Variants in KCNQ1 observed in about 807,000 individuals in gnomAD.
KCNQ1 encodes the protein potassium voltage-gated channel subfamily KQT member 1.
In KCNQ1, 49 loss-of-function variants were observed where a neutral mutation model predicts 72.4. The observed-to-expected ratio is 0.68, with a 90% CI of 0.54 to 0.86. The LOEUF (loss-of-function observed/expected upper bound fraction) is 0.86. Ranked by LOEUF, KCNQ1 falls within the 40% of genes least tolerant of loss-of-function variation. The pLI is 0.00. For synonymous variants in KCNQ1, 450 were observed against 412.6 expected, an observed-to-expected ratio of 1.09 and a Z score of -1.10; for missense variants, 790 against 945.1, an observed-to-expected ratio of 0.84 and a Z score of 2.15.
chr11:2,693,620 G>A (rs1850625121), intron 11 of KCNQ1: 6 of 398,606 alleles, frequency 1.5e-5, no homozygotes, highest in Middle Eastern at 6.3e-4. Flanking sequence ...CAAGAGCTTC[G>A]CCCAGCCGTA....
At chr11:2,844,609 G>A (rs1416518981) in intron 15 of KCNQ1, among the ~76,000 whole-genome samples, 2 of 152,176 alleles carry the variant, frequency 1.3e-5, no homozygotes, top group East Asian at 3.9e-4. Flanking sequence ...CTGCCGGGAG[G>A]AGCTGTCACC....
At chr11:2,634,857 T>C (rs903408702) in intron 10 of KCNQ1, 1 of 152,240 alleles carries the variant, frequency 6.6e-6, no homozygotes, top group Non-Finnish European at 1.5e-5. Context: ...TCCTGAATTT[T>C]TAATGATTGC....
chr11:2,649,118 G>T, intron 10 of KCNQ1: 2 of 396,408 alleles, frequency 5.0e-6, no homozygotes, highest in Non-Finnish European at 8.9e-6. Context: ...GGTGAAGTCA[G>T]TTTCTTATAG....
intron 1 of KCNQ1, among the ~76,000 whole-genome samples, chr11:2,476,304 T>A (rs1256054827): frequency 6.6e-6 from 1 of 152,208 alleles, no homozygotes; most frequent in African/African-American, 2.4e-5. Context: ...TAATTACAAG[T>A]TTAATTAATG....
intron 15 of KCNQ1, among the ~76,000 whole-genome samples, chr11:2,807,784 G>A (rs1302358566): frequency 1.3e-5 from 2 of 150,602 alleles, no homozygotes; most frequent in Non-Finnish European, 3.0e-5. Context: ...ACCTCTCTCT[G>A]CCTCTTTCCC....
intron 15 of KCNQ1, among the ~76,000 whole-genome samples, chr11:2,820,352 G>C (rs1368144926): frequency 3.3e-5 from 5 of 152,104 alleles, no homozygotes; most frequent in Non-Finnish European, 7.4e-5. Flanking sequence ...TAAACTTCAA[G>C]ATGTATCCAT....
rs535063397 is a variant in KCNQ1, at chr11:2,624,233, G to A, written c.1393+35379G>A. 296 of 398,380 alleles carry A rather than the reference G, an allele frequency of 7.4e-4. 2 individuals carry two copies. Among genetic ancestry groups the A allele is most frequent in the South Asian group, 1.3e-3 (10 of 7,850 alleles). The allele number at this position is 398,380 out of a possible 1,614,324, so 24.7% of individuals were successfully genotyped here. Reference sequence around the variant, plus strand: ...GTATATCTTCATTGGTGAGATGTCTGTTAAGGTCTTCAGTCCATTTTGTAA... The same window carrying A: ...GTATATCTTCATTGGTGAGATGTCTATTAAGGTCTTCAGTCCATTTTGTAA... On this transcript the variant is annotated intron_variant, in intron 10 of 15. Coordinates refer to ENST00000155840, the MANE Select transcript of KCNQ1 (RefSeq NM_000218.3). The surrounding 1 kb of genome is among the most constrained non-coding windows in gnomAD (Gnocchi z 4.9).
intron 15 of KCNQ1, among the ~76,000 whole-genome samples, chr11:2,791,667 G>A (rs1181789285): frequency 6.6e-6 from 1 of 152,060 alleles, no homozygotes; most frequent in East Asian, 2.0e-4. Flanking sequence ...TGTGGACCCC[G>A]AGGTTGTGCG....
rs552756876 is a variant in KCNQ1, at chr11:2,463,045, C to T, written c.386+17561C>T. ...GGGGGCCCAGGGAAGTGGGGCCAGT[C>T]GGGGGTCCTCAGGGGTCCTTCAGGG... On this transcript the variant is annotated intron_variant, in intron 1 of 15. Coordinates refer to ENST00000155840, the MANE Select transcript of KCNQ1 (RefSeq NM_000218.3). The surrounding 1 kb of genome is among the most constrained non-coding windows in gnomAD (Gnocchi z 7.0). Among the ~76,000 whole-genome samples, 2 of 151,890 alleles carry T rather than the reference C, an allele frequency of 1.3e-5. No homozygotes were observed. The highest frequency in any genetic ancestry group is 1.9e-4 in the East Asian group (1 of 5,156).
rs1185769322 is a variant in KCNQ1, at chr11:2,481,555, G to A, written c.386+36071G>A. ...TCCATGGCCTGTTAGGAACCAGGCT[G>A]CACAGCAGGAGGTGAGTGGCAGGTG... On this transcript the variant is annotated intron_variant, in intron 1 of 15. Coordinates refer to ENST00000155840, the MANE Select transcript of KCNQ1 (RefSeq NM_000218.3). The surrounding 1 kb of genome is among the most constrained non-coding windows in gnomAD (Gnocchi z 4.6). Among the ~76,000 whole-genome samples the A allele has an allele frequency of 6.6e-6, 1 of 152,218 alleles. No homozygotes were observed. The highest frequency in any genetic ancestry group is 6.5e-5 in the Admixed American group (1 of 15,286).
rs1048618929 is a variant in KCNQ1 at position 2,479,610 on chromosome 11, A to G, written c.386+34126A>G. Among the ~76,000 whole-genome samples, 1 of 152,202 alleles carries G rather than the reference A, an allele frequency of 6.6e-6. No homozygotes were observed. Among genetic ancestry groups the G allele is most frequent in the African/African-American group, 2.4e-5 (1 of 41,450 alleles). On this transcript the variant is annotated intron_variant, in intron 1 of 15. Coordinates refer to ENST00000155840, the MANE Select transcript of KCNQ1 (RefSeq NM_000218.3). The surrounding 1 kb of genome is among the most constrained non-coding windows in gnomAD (Gnocchi z 4.6). ...AGCATGGAGGCCCTGGGCCCAGTCC[A>G]GGAAACCATTTTTGCCTCCTAGGCC...
chr11:2,697,201 C>A, intron 11 of KCNQ1: 1 of 398,606 alleles, frequency 2.5e-6, no homozygotes, highest in Non-Finnish European at 4.4e-6. Context: ...GTTTTAACTT[C>A]TAAGATGGTA....
In KCNQ1 at chr11:2,778,045, C is replaced by T; in HGVS notation, c.1794+8C>T. 1 of 1,613,262 alleles carries T rather than the reference C, an allele frequency of 6.2e-7. No individual in the cohort carries two copies. The highest frequency in any genetic ancestry group is 8.5e-7 in the Non-Finnish European group (1 of 1,179,926). The stretch of plus-strand genomic sequence containing the variant: ...AACCGAGTAGAAGACAAGGTAGGCT[C>T]ACGCGCCGGCCTGCGGTGGTTCTGG... On this transcript the variant is annotated splice_region_variant and intron_variant, in intron 15 of 15. Transcript: ENST00000155840.
intron 1 of KCNQ1, among the ~76,000 whole-genome samples, chr11:2,500,014 C>T (rs1846984429): frequency 6.6e-6 from 1 of 152,148 alleles, no homozygotes; most frequent in Non-Finnish European, 1.5e-5. Flanking sequence ...AATAATGAGA[C>T]ATTTTGGAAA....
intron 15 of KCNQ1, among the ~76,000 whole-genome samples, chr11:2,792,022 C>A (rs1847036421): frequency 6.6e-6 from 1 of 152,136 alleles, no homozygotes; most frequent in Non-Finnish European, 1.5e-5. Flanking sequence ...CCGAGGCGCG[C>A]TGGGCTGTTT....
rs1407950254 is a variant in KCNQ1 at position 2,762,707 on chromosome 11, T to C, written c.1515-6137T>C. 6.6e-6 allele frequency among the ~76,000 whole-genome samples: 1 copy of C among 152,236 alleles called. No individual in the cohort carries two copies. The highest frequency in any genetic ancestry group is 1.9e-4 in the East Asian group (1 of 5,198). Reference sequence around the variant, plus strand: ...TCTCGCAGGAGCGCGAACCCTGTTGTGAATGCACATGTGAGGGGTCTAGGC... The same window carrying C: ...TCTCGCAGGAGCGCGAACCCTGTTGCGAATGCACATGTGAGGGGTCTAGGC... On this transcript the variant is annotated intron_variant, in intron 11 of 15. Coordinates refer to ENST00000155840, the MANE Select transcript of KCNQ1 (RefSeq NM_000218.3). The surrounding 1 kb of genome is among the most constrained non-coding windows in gnomAD (Gnocchi z 4.3).
In KCNQ1 at chr11:2,652,151, G is replaced by A. The variant is rs991162872; in HGVS notation, c.1394-9810G>A. The A allele has an allele frequency of 2.3e-5, 9 of 398,480 alleles. No individual in the cohort carries two copies. In the East Asian group the frequency reaches 2.8e-4, roughly 13 times the overall value. 24.7% of individuals were successfully genotyped at this position (398,480 alleles called of 1,614,324 possible). ...AGGGACCTGTGTTTCTCAAGCCCGCGCCCTCGGGGCCTGGGGGTGGGGCCC... is the reference window on the plus strand; with the variant it reads ...AGGGACCTGTGTTTCTCAAGCCCGCACCCTCGGGGCCTGGGGGTGGGGCCC... On this transcript the variant is annotated intron_variant, in intron 10 of 15. Coordinates refer to ENST00000155840, the MANE Select transcript of KCNQ1 (RefSeq NM_000218.3). The surrounding 1 kb of genome is among the most constrained non-coding windows in gnomAD (Gnocchi z 5.9).
intron 10 of KCNQ1, chr11:2,648,363 GTTAT>G (rs1259091454): frequency 1.0e-5 from 4 of 398,166 alleles, no homozygotes; most frequent in African/African-American, 2.1e-5. Flanking sequence ...CGTTTATTAG[GTTAT>G]TTGTTTAAAA....
In KCNQ1 at chr11:2,669,997, G is replaced by A. The variant is rs1850151657; in HGVS notation, c.1514+7916G>A. On this transcript the variant is annotated intron_variant, in intron 11 of 15. Transcript: ENST00000155840. This position sits in a 1 kb window ranked among gnomAD's most constrained non-coding sequence, Gnocchi z 5.6. The stretch of plus-strand genomic sequence containing the variant: ...GTCACAACCTCAAATCTCGGAATGG[G>A]GTTCAGGAGCTGTTGGGGTCCCGTG... 2.5e-6 allele frequency: 1 copy of A among 398,568 alleles called. No homozygotes were observed. Among genetic ancestry groups the A allele is most frequent in the Non-Finnish European group, 4.4e-6 (1 of 226,146 alleles). The allele number at this position is 398,568 out of a possible 1,614,324, so 24.7% of individuals were successfully genotyped here. A position where few individuals can be genotyped will look rare whatever the true frequency, so the allele number is the denominator to read the frequency against.
Sources: gnomAD v4.1 joint callset for allele counts (sites outside exome capture counted in the v4.1 genomes callset) on GRCh38, gnomAD v4.1.1 for gene constraint, Gnocchi (gnomAD v3.1) non-coding constraint, MANE v1.5 for transcripts, NCBI Gene and HGNC (gene_info 2026-07-23, HGNC 2026-07-21) for gene names.